CFDP1: variants seen among roughly 807,000 people sequenced by gnomAD.
The protein encoded by CFDP1 is chromatin remodeling protein CFDP1.
In CFDP1, 31 loss-of-function variants were observed where a neutral mutation model predicts 40.1. That is an observed-to-expected ratio of 0.77 (90% CI 0.58 to 1.04). The LOEUF is 1.04. Ranked by LOEUF, CFDP1 falls within the 50% of genes least tolerant of loss-of-function variation. The probability of loss-of-function intolerance (pLI) is 0.00; values close to 1 mark genes in which losing one functional copy is unlikely to be tolerated. For missense variants in CFDP1, 423 were observed against 343.4 expected, an observed-to-expected ratio of 1.23 and a Z score of -1.83; for synonymous variants, 167 against 120.0, an observed-to-expected ratio of 1.39 and a Z score of -2.56.
chr16:75,416,464 TA>T (rs147793433), intron 1 of CFDP1, among the ~76,000 whole-genome samples: 74,617 of 141,362 alleles, frequency 0.53, 19,885 homozygotes, highest in Admixed American at 0.64. Context: ...AAAAGAGATT[TA>T]AAAAAAAAAA....
Position 75,396,146 on chromosome 16 carries a change from C to T in CFDP1, c.531-937G>A, listed in dbSNP as rs190122043. Among the ~76,000 whole-genome samples, 180 of 102,998 alleles carry T rather than the reference C, an allele frequency of 1.7e-3. 66 individuals carry two copies. Among genetic ancestry groups the T allele is most frequent in the South Asian group, 4.8e-3 (14 of 2,898 alleles). The allele number at this position is 102,998 out of a possible 152,430, so 67.6% of individuals were successfully genotyped here. A position where few individuals can be genotyped will look rare whatever the true frequency, so the allele number is the denominator to read the frequency against. On this transcript the variant is annotated intron_variant, in intron 4 of 6. Transcript: ENST00000283882. ...GCAGATTAGCACTCAGCCTTGAAAG[C>T]TGAGATGGGGAGATGGAATACTGGG...
Position 75,297,599 on chromosome 16 carries a change from G to T in CFDP1, c.810-3557C>A, listed in dbSNP as rs900389566. Among the ~76,000 whole-genome samples the T allele has an allele frequency of 2.0e-5, 3 of 152,220 alleles. No homozygotes were observed. The East Asian group carries it at 5.8e-4, about 29-fold the overall frequency. ...TCTGGCCTGTGCGCAGCCCTTTTGG[G>T]GGCCCAGCATGACTCAGCCCAGTCC... On this transcript the variant is annotated intron_variant, in intron 6 of 6. Transcript: ENST00000283882.
intron 6 of CFDP1, among the ~76,000 whole-genome samples, chr16:75,298,437 C>G (rs12935787): frequency 6.6e-6 from 1 of 151,944 alleles, no homozygotes; most frequent in Non-Finnish European, 1.5e-5. Context: ...TGCAGGGAAA[C>G]CTGAGGCAGT....
intron 6 of CFDP1, among the ~76,000 whole-genome samples, chr16:75,296,496 A>C (rs2078183303): frequency 6.6e-6 from 1 of 152,060 alleles, no homozygotes; most frequent in South Asian, 2.1e-4. Context: ...TGGCCTCCCA[A>C]GTGCTAGGAT....
chr16:75,307,163 G>C (rs549354854), intron 5 of CFDP1, among the ~76,000 whole-genome samples: 1 of 152,008 alleles, frequency 6.6e-6, no homozygotes, highest in South Asian at 2.1e-4. Context: ...AAAACACAAA[G>C]CTTAGCATGT....
intron 6 of CFDP1, among the ~76,000 whole-genome samples, chr16:75,296,477 T>A (rs2078183083): frequency 1.9e-5 from 2 of 106,434 alleles, no homozygotes; most frequent in Admixed American, 1.2e-4. Flanking sequence ...GCTCAAGCGA[T>A]CCTCACCTTG....
intron 5 of CFDP1, among the ~76,000 whole-genome samples, chr16:75,353,501 G>A (rs2078626482): frequency 2.0e-5 from 3 of 152,158 alleles, no homozygotes; most frequent in African/African-American, 4.8e-5. Context: ...GGTGGCTCAC[G>A]CCTGTAATCC....
At chr16:75,308,150 G>A (rs755705558) in intron 5 of CFDP1, among the ~76,000 whole-genome samples, 4 of 152,200 alleles carry the variant, frequency 2.6e-5, no homozygotes, top group Non-Finnish European at 4.4e-5. Context: ...CTGGACAGGT[G>A]GTGGAGCTCA....
At chr16:75,375,135 A>G (rs2078782648) in intron 5 of CFDP1, among the ~76,000 whole-genome samples, 1 of 152,172 alleles carries the variant, frequency 6.6e-6, no homozygotes, top group African/African-American at 2.4e-5. Flanking sequence ...AGCCAGGACC[A>G]TTAAAAAAAG....
rs11303354 is a variant in CFDP1 at position 75,387,140 on chromosome 16, C to CT, written c.650+7949dup. ...TCAGGTACAGGGTATTCTTTTCTTT[C>CT]TTTTTTTTTTTTTTTTTGAGACGGA... On this transcript the variant is annotated intron_variant, in intron 5 of 6. Coordinates refer to ENST00000283882, the MANE Select transcript of CFDP1 (RefSeq NM_006324.3). Among the ~76,000 whole-genome samples, 648 of 128,486 alleles carry CT rather than the reference C, an allele frequency of 5.0e-3. 2 individuals carry two copies. Among genetic ancestry groups the CT allele is most frequent in the Middle Eastern group, 8.0e-3 (2 of 250 alleles). The allele number at this position is 128,486 out of a possible 152,430, so 84.3% of individuals were successfully genotyped here. A position where few individuals can be genotyped will look rare whatever the true frequency, so the allele number is the denominator to read the frequency against.
rs184686781 is a variant in CFDP1 at position 75,409,657 on chromosome 16, G to A, written c.530+2168C>T. 2.9e-3 allele frequency among the ~76,000 whole-genome samples: 443 copies of A among 152,172 alleles called. 5 individuals are homozygous for A. The highest frequency in any genetic ancestry group is 0.026 in the Admixed American group (403 of 15,260). On this transcript the variant is annotated intron_variant, in intron 4 of 6. Transcript: ENST00000283882. ...CGTGCTACAATGGAGAATGCCCTTGGTCGTAGGAGACACGTGCTAAAGTAT... is the reference window on the plus strand; with the variant it reads ...CGTGCTACAATGGAGAATGCCCTTGATCGTAGGAGACACGTGCTAAAGTAT...
chr16:75,381,683 T>A (rs931849840), intron 5 of CFDP1, among the ~76,000 whole-genome samples: 1 of 152,178 alleles, frequency 6.6e-6, no homozygotes. Context: ...TTCACTTCTG[T>A]AATATGGGAG....
intron 4 of CFDP1, among the ~76,000 whole-genome samples, chr16:75,397,180 C>T (rs2079001900): frequency 1.3e-5 from 2 of 151,224 alleles, no homozygotes; most frequent in Non-Finnish European, 2.9e-5. Context: ...TCCCAAAGTG[C>T]TGGGATTACA....
intron 5 of CFDP1, among the ~76,000 whole-genome samples, chr16:75,337,480 T>C (rs1032442621): frequency 5.3e-5 from 8 of 152,202 alleles, no homozygotes; most frequent in Admixed American, 2.6e-4. Flanking sequence ...CTCAATCCCC[T>C]GTCACTGACT....
At chr16:75,346,508 G>A (rs1350901229) in intron 5 of CFDP1, among the ~76,000 whole-genome samples, 1 of 146,082 alleles carries the variant, frequency 6.8e-6, no homozygotes, top group Non-Finnish European at 1.5e-5. Context: ...GCGTGAACCT[G>A]GGAGACGGAG....
intron 5 of CFDP1, among the ~76,000 whole-genome samples, chr16:75,309,535 A>G (rs1159065219): frequency 6.6e-6 from 1 of 151,708 alleles, no homozygotes; most frequent in African/African-American, 2.4e-5. Context: ...TCAAGAACCA[A>G]TCCAACCGGG....
intron 3 of CFDP1, 135 bp downstream of exon 3, chr16:75,412,400 A>C: frequency 2.7e-6 from 2 of 742,198 alleles, no homozygotes; most frequent in South Asian, 3.4e-5. Context: ...TTATTCTCCT[A>C]CCACAGGAAA....
At chr16:75,396,913 T>C (rs1039380663) in intron 4 of CFDP1, among the ~76,000 whole-genome samples, 3 of 151,980 alleles carry the variant, frequency 2.0e-5, no homozygotes, top group Non-Finnish European at 4.4e-5. Flanking sequence ...GTTTTTTGTT[T>C]GTTTGTTTGT....
chr16:75,340,445 C>T (rs1368348294), intron 5 of CFDP1, among the ~76,000 whole-genome samples: 2 of 152,126 alleles, frequency 1.3e-5, no homozygotes, highest in African/African-American at 4.8e-5. Flanking sequence ...GTAAAATTTT[C>T]TCATTATTTC....
Sources: allele counts gnomAD v4.1 joint callset (sites outside exome capture counted in the v4.1 genomes callset), GRCh38; gene constraint gnomAD v4.1.1; transcripts MANE v1.5; gene names NCBI Gene and HGNC (gene_info 2026-07-23, HGNC 2026-07-21).